Variants in NRG3 observed in about 807,000 individuals in gnomAD.
NRG3 encodes the protein neuregulin 3, also known as pro-neuregulin-3, membrane-bound isoform.
In NRG3, 31 loss-of-function variants were observed where a neutral mutation model predicts 66.9. The ratio of observed to expected loss-of-function variants is 0.46; its 90% CI spans 0.35 to 0.63. The LOEUF is 0.63. NRG3 is among the 20% of genes least tolerant of loss of function. NRG3 has a pLI of 0.00. For synonymous variants in NRG3, 393 were observed against 359.4 expected, an observed-to-expected ratio of 1.09 and a Z score of -1.06; for missense variants, 910 against 878.9, an observed-to-expected ratio of 1.04 and a Z score of -0.45.
intron 2 of NRG3, among the ~76,000 whole-genome samples, chr10:82,683,554 G>T (rs1434024938): frequency 6.6e-6 from 1 of 152,188 alleles, no homozygotes; most frequent in East Asian, 1.9e-4. Context: ...AAGTAAATTG[G>T]TGTCTTTAAG....
chr10:81,945,945 G>GAA (rs1848806480), intron 1 of NRG3, among the ~76,000 whole-genome samples: 1 of 152,172 alleles, frequency 6.6e-6, no homozygotes, highest in South Asian at 2.1e-4. Context: ...CCGGAAGCTA[G>GAA]GAGAGAGGCA....
At chr10:82,468,331 A>C (rs1840888077) in intron 2 of NRG3, among the ~76,000 whole-genome samples, 1 of 105,030 alleles carries the variant, frequency 9.5e-6, no homozygotes, top group Non-Finnish European at 1.9e-5. Context: ...CTGTGATATA[A>C]AATAATTCTC....
chr10:82,645,318 T>C, intron 2 of NRG3, among the ~76,000 whole-genome samples: 1 of 152,208 alleles, frequency 6.6e-6, no homozygotes, highest in East Asian at 1.9e-4. Flanking sequence ...GATTTGTGCA[T>C]GAGATCAAAA....
intron 1 of NRG3, among the ~76,000 whole-genome samples, chr10:82,156,996 G>A (rs2071240008): frequency 6.6e-6 from 1 of 151,554 alleles, no homozygotes; most frequent in African/African-American, 2.4e-5. Context: ...CATTGCATCG[G>A]CAGGAATCCC....
intron 3 of NRG3, among the ~76,000 whole-genome samples, chr10:82,864,073 AG>A (rs1443584795): frequency 6.6e-6 from 1 of 152,156 alleles, no homozygotes; most frequent in Non-Finnish European, 1.5e-5. Flanking sequence ...AAAGTAGATT[AG>A]AAGTTACCAA....
chr10:82,132,919 A>G (rs977123951), intron 1 of NRG3, among the ~76,000 whole-genome samples: 3 of 151,980 alleles, frequency 2.0e-5, no homozygotes, highest in East Asian at 1.9e-4. Flanking sequence ...AAATTATGAC[A>G]TATCTTTTTC....
chr10:82,128,479 C>T (rs1306507224), intron 1 of NRG3, among the ~76,000 whole-genome samples: 1 of 152,042 alleles, frequency 6.6e-6, no homozygotes, highest in Non-Finnish European at 1.5e-5. Context: ...GCCTCCTGTA[C>T]TCCAGAGAAA....
intron 1 of NRG3, among the ~76,000 whole-genome samples, chr10:81,950,913 C>T (rs1849290496): frequency 6.6e-6 from 1 of 151,870 alleles, no homozygotes; most frequent in African/African-American, 2.4e-5. Context: ...AAACTGAAAA[C>T]CTTTGTGTTT....
At chr10:82,642,220 G>A (rs970437818) in intron 2 of NRG3, among the ~76,000 whole-genome samples, 8 of 151,494 alleles carry the variant, frequency 5.3e-5, no homozygotes, top group Non-Finnish European at 1.5e-5. Context: ...ATATACATAT[G>A]CCACATTTTA....
chr10:82,267,376 C>T (rs2078353196), intron 1 of NRG3, among the ~76,000 whole-genome samples: 2 of 152,204 alleles, frequency 1.3e-5, no homozygotes, highest in South Asian at 4.1e-4. Flanking sequence ...ACACAGGCAT[C>T]CCATCCTTGC....
intron 1 of NRG3, among the ~76,000 whole-genome samples, chr10:82,174,371 T>C (rs1360895144): frequency 6.6e-6 from 1 of 152,118 alleles, no homozygotes; most frequent in Non-Finnish European, 1.5e-5. Context: ...TTCCTCTTTA[T>C]GCACATGTTT....
At chr10:81,911,618 T>G (rs1267277930) in intron 1 of NRG3, among the ~76,000 whole-genome samples, 4 of 147,112 alleles carry the variant, frequency 2.7e-5, no homozygotes, top group Admixed American at 6.8e-5. Flanking sequence ...TTTTTTTTTT[T>G]TTTTTTTTTT....
chr10:82,071,443 GAA>G (rs1282869791), intron 1 of NRG3, among the ~76,000 whole-genome samples: 5 of 152,150 alleles, frequency 3.3e-5, no homozygotes, highest in African/African-American at 4.8e-5. Context: ...ATGAGGAACA[GAA>G]ACCTGCTGAT....
At chr10:82,452,976 C>G (rs2091091163) in intron 2 of NRG3, among the ~76,000 whole-genome samples, 1 of 152,006 alleles carries the variant, frequency 6.6e-6, no homozygotes, top group African/African-American at 2.4e-5. Context: ...TAATGTAGTC[C>G]CTGGCTCAGG....
chr10:82,521,107 TTTTGA>T (rs1846135096), intron 2 of NRG3, among the ~76,000 whole-genome samples: 1 of 152,194 alleles, frequency 6.6e-6, no homozygotes, highest in African/African-American at 2.4e-5. Flanking sequence ...AGTCACACTC[TTTTGA>T]TTTATCAGCA....
intron 2 of NRG3, among the ~76,000 whole-genome samples, chr10:82,691,242 C>T (rs1420405463): frequency 1.3e-5 from 2 of 152,216 alleles, no homozygotes; most frequent in African/African-American, 4.8e-5. Context: ...GAAAAAACAG[C>T]TTCACAACAC....
chr10:82,291,296 A>G (rs1370516221), intron 1 of NRG3, among the ~76,000 whole-genome samples: 4 of 152,224 alleles, frequency 2.6e-5, no homozygotes, highest in Non-Finnish European at 4.4e-5. Context: ...TAAAAAACAT[A>G]ATCTGTACAT....
intron 1 of NRG3, among the ~76,000 whole-genome samples, chr10:81,916,487 C>T (rs556057696): frequency 6.6e-6 from 1 of 152,232 alleles, no homozygotes; most frequent in African/African-American, 2.4e-5. Context: ...ATCCAAGTTA[C>T]AATTATAGGC....
intron 1 of NRG3, among the ~76,000 whole-genome samples, chr10:82,312,940 G>T (rs930339934): frequency 9.9e-5 from 15 of 152,122 alleles, no homozygotes; most frequent in African/African-American, 1.7e-4. Context: ...ACTTTGGGAG[G>T]TCAAGGCAGA....
Sources: allele counts gnomAD v4.1 joint callset (sites outside exome capture counted in the v4.1 genomes callset), GRCh38; gene constraint gnomAD v4.1.1; transcripts MANE v1.5; gene names NCBI Gene and HGNC (gene_info 2026-07-23, HGNC 2026-07-21).